Variants in ITPR1 observed in about 807,000 individuals in gnomAD.
ITPR1 encodes the protein inositol 1,4,5-trisphosphate-gated calcium channel ITPR1.
Under a neutral mutation model 318.4 loss-of-function variants are expected in ITPR1, and 96 were observed. That is an observed-to-expected ratio of 0.30 (90% confidence interval 0.26 to 0.36). The LOEUF (loss-of-function observed/expected upper bound fraction) is 0.36. Among genes scored for constraint, ITPR1 ranks in the 10% least tolerant of loss-of-function variants. ITPR1 has a pLI of 1.00. For missense variants in ITPR1, 2,440 were observed against 3,460.2 expected (o/e 0.71, Z 7.40); for synonymous variants, 1,312 against 1,289.9 (o/e 1.02, Z -0.37).
intron 45 of ITPR1, 144 bp downstream of exon 45, chr3:4,766,854 A>T: frequency 1.6e-6 from 1 of 620,014 alleles, no homozygotes; most frequent in Non-Finnish European, 2.6e-6. Context: ...TTATGATGTA[A>T]TTCTTCCTCA....
chr3:4,660,076 C>T (rs1271818183), intron 13 of ITPR1, among the ~76,000 whole-genome samples: 1 of 152,174 alleles, frequency 6.6e-6, no homozygotes, highest in Non-Finnish European at 1.5e-5. Flanking sequence ...TGCTAGACTT[C>T]TTTTCAGAGT....
intron 25 of ITPR1, among the ~76,000 whole-genome samples, chr3:4,681,160 T>C (rs758518782): frequency 6.6e-6 from 1 of 152,144 alleles, no homozygotes; most frequent in East Asian, 1.9e-4. Context: ...CAGGGGACCA[T>C]GCAGTGAGGG....
At chr3:4,713,525 C>G (rs144124939) in intron 39 of ITPR1, among the ~76,000 whole-genome samples, 40 of 152,262 alleles carry the variant, frequency 2.6e-4, no homozygotes, top group Non-Finnish European at 4.7e-4. Context: ...ATGTCAGGGT[C>G]TTTGAGGCTA....
chr3:4,542,309 T>C (rs2084534071), intron 4 of ITPR1, among the ~76,000 whole-genome samples: 1 of 152,214 alleles, frequency 6.6e-6, no homozygotes, highest in South Asian at 2.1e-4. Flanking sequence ...TATCAGCTTG[T>C]GTTTTTTTGG....
At chr3:4,765,127 C>A (rs1486714308) in intron 44 of ITPR1, among the ~76,000 whole-genome samples, 2 of 152,118 alleles carry the variant, frequency 1.3e-5, no homozygotes, top group Admixed American at 6.6e-5. Context: ...ACAGACTTAC[C>A]TTGGTTCCAG....
chr3:4,759,143 C>T (rs1248778460), intron 44 of ITPR1, among the ~76,000 whole-genome samples: 4 of 152,202 alleles, frequency 2.6e-5, no homozygotes, highest in African/African-American at 9.6e-5. Flanking sequence ...CCGTCACTGT[C>T]CACTAGCCCC....
At chr3:4,537,837 G>A (rs111445549) in intron 4 of ITPR1, among the ~76,000 whole-genome samples, 2,328 of 152,256 alleles carry the variant, frequency 0.015, 63 homozygotes, top group African/African-American at 0.054. Flanking sequence ...AAGCCACTAC[G>A]TTTTTGATTA....
chr3:4,771,906 T>G (rs1022909166), intron 46 of ITPR1, among the ~76,000 whole-genome samples: 1 of 152,066 alleles, frequency 6.6e-6, no homozygotes, highest in Non-Finnish European at 1.5e-5. Context: ...GAGTGGAAAC[T>G]AGAGTGCTCC....
chr3:4,732,303 A>G (rs112942004), intron 42 of ITPR1, among the ~76,000 whole-genome samples: 155 of 152,318 alleles, frequency 1.0e-3, no homozygotes, highest in Middle Eastern at 3.4e-3. Context: ...TTATTACAGA[A>G]AGGTTGAAAT....
intron 2 of ITPR1, among the ~76,000 whole-genome samples, chr3:4,509,440 G>A (rs1323300634): frequency 6.6e-6 from 1 of 152,194 alleles, no homozygotes; most frequent in Non-Finnish European, 1.5e-5. Context: ...GGCCAAGTAG[G>A]TTTCTGTTCT....
At chr3:4,584,046 T>C (rs114955259) in intron 4 of ITPR1, among the ~76,000 whole-genome samples, 7,807 of 152,276 alleles carry the variant, frequency 0.051, 293 homozygotes, top group Middle Eastern at 0.089. Flanking sequence ...TTCTGCATTC[T>C]TTCTATCTCT....
chr3:4,688,382 C>A, intron 30 of ITPR1, 113 bp from the exon 31 acceptor site: 1 of 1,282,106 alleles, frequency 7.8e-7, no homozygotes, highest in Non-Finnish European at 1.1e-6. Context: ...TTACCCACAA[C>A]AGGTCCCCAG....
intron 4 of ITPR1, among the ~76,000 whole-genome samples, chr3:4,564,419 C>T (rs1302923685): frequency 6.6e-6 from 1 of 152,152 alleles, no homozygotes. Flanking sequence ...TTATAAGAAT[C>T]TAAGTCATGT....
At chr3:4,712,346 G>A (rs1224341026) in intron 39 of ITPR1, among the ~76,000 whole-genome samples, 1 of 152,240 alleles carries the variant, frequency 6.6e-6, no homozygotes, top group Non-Finnish European at 1.5e-5. Flanking sequence ...TTCTGAGGGA[G>A]ATTGGGAAAT....
At chr3:4,785,060 T>G (rs2047096166) in intron 51 of ITPR1, among the ~76,000 whole-genome samples, 1 of 152,220 alleles carries the variant, frequency 6.6e-6, no homozygotes, top group Non-Finnish European at 1.5e-5. Flanking sequence ...TGGTGTTATA[T>G]TGAAAATGTG....
intron 4 of ITPR1, among the ~76,000 whole-genome samples, chr3:4,557,334 C>T (rs916044999): frequency 5.9e-5 from 9 of 152,150 alleles, no homozygotes; most frequent in African/African-American, 2.2e-4. Flanking sequence ...GACTTATTAA[C>T]TATCATGAGA....
At chr3:4,680,767 C>G (rs1436936014) in intron 25 of ITPR1, 76 bp downstream of exon 25, 2 of 1,314,788 alleles carry the variant, frequency 1.5e-6, no homozygotes, top group Admixed American at 2.4e-5. Context: ...CAAACAGTAT[C>G]TTCTAGAAAA....
At chr3:4,584,816 T>G (rs9818322) in intron 4 of ITPR1, among the ~76,000 whole-genome samples, 2 of 151,654 alleles carry the variant, frequency 1.3e-5, no homozygotes, top group African/African-American at 4.8e-5. Context: ...ATTTCTGGAG[T>G]GTAGGTGTGA....
intron 4 of ITPR1, among the ~76,000 whole-genome samples, chr3:4,626,729 A>G (rs1438424308): frequency 6.6e-6 from 1 of 152,202 alleles, no homozygotes; most frequent in Non-Finnish European, 1.5e-5. Flanking sequence ...ATGCCAGTTT[A>G]TATATTTTCT....
Sources: gnomAD v4.1 joint callset for allele counts (sites outside exome capture counted in the v4.1 genomes callset) on GRCh38, gnomAD v4.1.1 for gene constraint, MANE v1.5 for transcripts, NCBI Gene and HGNC (gene_info 2026-07-23, HGNC 2026-07-21) for gene names.